The following RAPGEF1 variants were observed in gnomAD, a reference collection of about 807,000 sequenced individuals.
RAPGEF1 encodes the protein Rap guanine nucleotide exchange factor 1, also known as CRK SH3-binding GNRP.
A neutral mutation model predicts 143.3 loss-of-function variants in RAPGEF1; 33 were observed. That is an observed-to-expected ratio of 0.23 (90% confidence interval 0.17 to 0.31). RAPGEF1 has a LOEUF of 0.31. Ranked by LOEUF, RAPGEF1 falls within the 10% of genes least tolerant of loss-of-function variation. RAPGEF1 has a pLI of 1.00. For missense variants in RAPGEF1, 1,199 were observed against 1,645.4 expected, an observed-to-expected ratio of 0.73 and a Z score of 4.69; for synonymous variants, 629 against 676.5, an observed-to-expected ratio of 0.93 and a Z score of 1.09.
At chr9:131,685,004 C>A (rs1833220856) in intron 1 of RAPGEF1, among the ~76,000 whole-genome samples, 1 of 152,184 alleles carries the variant, frequency 6.6e-6, no homozygotes, top group African/African-American at 2.4e-5. Context: ...GCGGGACAAC[C>A]AGTCACAACA....
chr9:131,675,878 G>T lies in RAPGEF1; in HGVS notation c.62-24929C>A, dbSNP rs1416074282. 6.6e-6 allele frequency among the ~76,000 whole-genome samples: 1 copy of T among 151,984 alleles called. No homozygotes were observed. Among genetic ancestry groups the T allele is most frequent in the Admixed American group, 6.6e-5 (1 of 15,264 alleles). ...TCACAGCATGATTGGGAAACAGCCT[G>T]AACTCGAACTGCTCAGTTTGACAAA... On this transcript the variant is annotated intron_variant, in intron 1 of 26. Transcript: ENST00000683357. The surrounding 1 kb of genome is among the most constrained non-coding windows in gnomAD (Gnocchi z 4.6).
intron 1 of RAPGEF1, among the ~76,000 whole-genome samples, chr9:131,735,941 A>G (rs183560430): frequency 6.6e-5 from 10 of 152,270 alleles, no homozygotes; most frequent in Non-Finnish European, 1.0e-4. Context: ...ATCCAACCCA[A>G]CATATCTGTG....
At chr9:131,722,109 CA>C (rs763993297) in intron 1 of RAPGEF1, among the ~76,000 whole-genome samples, 4 of 150,570 alleles carry the variant, frequency 2.7e-5, no homozygotes, top group South Asian at 2.1e-4. Flanking sequence ...GTCTTAGTGT[CA>C]AAAAAAAACC....
chr9:131,656,391 A>C (rs1972488822), intron 1 of RAPGEF1, among the ~76,000 whole-genome samples: 1 of 152,154 alleles, frequency 6.6e-6, no homozygotes, highest in African/African-American at 2.4e-5. Context: ...TGGCAGCCCC[A>C]CAGTGTCCCT....
rs1186438365 is a variant in RAPGEF1, at chr9:131,583,689, G to A, written c.3414+622C>T. On this transcript the variant is annotated intron_variant, in intron 24 of 26. Coordinates refer to ENST00000683357, the MANE Select transcript of RAPGEF1 (RefSeq NM_001377935.1). This position sits in a 1 kb window ranked among gnomAD's most constrained non-coding sequence, Gnocchi z 4.7. ...AGGTCCAACTCCTCACCAGGCTCCT[G>A]AGGCTCTCATGACCTAGAACTGGTC... Among the ~76,000 whole-genome samples, 1 of 152,230 alleles carries A rather than the reference G, an allele frequency of 6.6e-6. No individual in the cohort carries two copies. The highest frequency in any genetic ancestry group is 1.5e-5 in the Non-Finnish European group (1 of 68,036).
chr9:131,615,049 G>A (rs1958705116), intron 12 of RAPGEF1, among the ~76,000 whole-genome samples: 1 of 152,188 alleles, frequency 6.6e-6, no homozygotes. Flanking sequence ...GAACGTACAA[G>A]AAAGTAGTGT....
At chr9:131,643,565 A>G in intron 3 of RAPGEF1, 148 bp from the exon 4 acceptor site, 1 of 796,806 alleles carries the variant, frequency 1.3e-6, no homozygotes, top group Non-Finnish European at 1.9e-6. Flanking sequence ...TCATTTTTCT[A>G]AGGATTGTAA....
intron 4 of RAPGEF1, among the ~76,000 whole-genome samples, chr9:131,640,347 C>T (rs1314643810): frequency 6.6e-6 from 1 of 152,248 alleles, no homozygotes; most frequent in Non-Finnish European, 1.5e-5. Flanking sequence ...CTGCTGGTAA[C>T]AGTGAGGTGA....
intron 12 of RAPGEF1, among the ~76,000 whole-genome samples, chr9:131,609,708 G>A (rs377243800): frequency 7.2e-5 from 11 of 152,308 alleles, no homozygotes; most frequent in East Asian, 3.9e-4. Flanking sequence ...ATATGCGAGC[G>A]TGTGGCCAAT....
chr9:131,605,919 C>T (rs1957051246), intron 12 of RAPGEF1, among the ~76,000 whole-genome samples: 1 of 151,964 alleles, frequency 6.6e-6, no homozygotes, highest in Admixed American at 6.6e-5. Context: ...ACAAAAAATA[C>T]AAAAATGAGC....
chr9:131,626,655 A>T (rs1019037929), intron 9 of RAPGEF1, among the ~76,000 whole-genome samples: 14 of 150,856 alleles, frequency 9.3e-5, no homozygotes, highest in Admixed American at 4.0e-4. Context: ...TTTCTTATTT[A>T]AAAAAAAAAT....
chr9:131,729,573 C>G (rs1321599234), intron 1 of RAPGEF1, among the ~76,000 whole-genome samples: 5 of 152,226 alleles, frequency 3.3e-5, no homozygotes, highest in Non-Finnish European at 1.5e-5. Flanking sequence ...CGGGGGAACC[C>G]CAGAGTACAT....
At chr9:131,619,406 C>T (rs1960064803) in intron 11 of RAPGEF1, among the ~76,000 whole-genome samples, 200 bp from the exon 12 acceptor site, 1 of 152,198 alleles carries the variant, frequency 6.6e-6, no homozygotes, top group Admixed American at 6.5e-5. Context: ...CACCCTCCTT[C>T]ATTTCCTTAC....
intron 22 of RAPGEF1, among the ~76,000 whole-genome samples, chr9:131,585,786 G>A (rs1258039901): frequency 6.6e-6 from 1 of 152,044 alleles, no homozygotes; most frequent in Non-Finnish European, 1.5e-5. Context: ...GCTCTAGGGG[G>A]TCCTGCCTGA....
intron 1 of RAPGEF1, among the ~76,000 whole-genome samples, chr9:131,737,838 G>A (rs1230403209): frequency 2.0e-5 from 3 of 151,992 alleles, no homozygotes; most frequent in African/African-American, 7.3e-5. Context: ...GGTGGCAGGC[G>A]CCTGCAGTCC....
Position 131,628,951 on chromosome 9 carries a change from C to T in RAPGEF1, c.893+151G>A, listed in dbSNP as rs1027879531. ...CTTCAGGAGAGCTCAGGGTGGCCAG[C>T]GAGGGCCGGCGGGGTGGGGACAGCT... On this transcript the variant is annotated intron_variant, in intron 7 of 26. Coordinates refer to ENST00000683357, the MANE Select transcript of RAPGEF1 (RefSeq NM_001377935.1). This position sits in a 1 kb window ranked among gnomAD's most constrained non-coding sequence, Gnocchi z 5.7. The T allele has an allele frequency of 1.5e-5, 17 of 1,101,424 alleles. No homozygotes were observed. The highest frequency in any genetic ancestry group is 6.3e-5 in the African/African-American group (4 of 63,282). 68.2% of individuals were successfully genotyped at this position (1,101,424 alleles called of 1,614,324 possible).
chr9:131,648,880 TATTTAA>T (rs1385716755), intron 3 of RAPGEF1, among the ~76,000 whole-genome samples: 1 of 152,234 alleles, frequency 6.6e-6, no homozygotes, highest in East Asian at 1.9e-4. Flanking sequence ...AAGAATTATG[TATTTAA>T]ATAACAGGCT....
chr9:131,733,757 C>A (rs918258783), intron 1 of RAPGEF1, among the ~76,000 whole-genome samples: 1 of 152,156 alleles, frequency 6.6e-6, no homozygotes, highest in Non-Finnish European at 1.5e-5. Flanking sequence ...CCATGGGGAA[C>A]ACGCTCAGCT....
intron 1 of RAPGEF1, among the ~76,000 whole-genome samples, 194 bp downstream of exon 1, chr9:131,739,576 G>A (rs1234517097): frequency 3.3e-5 from 5 of 149,926 alleles, no homozygotes; most frequent in Admixed American, 1.3e-4. Context: ...CGCAGCGGCC[G>A]CTTCCCCCCG....
Sources: allele counts gnomAD v4.1 joint callset (sites outside exome capture counted in the v4.1 genomes callset), GRCh38; gene constraint gnomAD v4.1.1; non-coding constraint Gnocchi (gnomAD v3.1); transcripts MANE v1.5; gene names NCBI Gene and HGNC (gene_info 2026-07-23, HGNC 2026-07-21).